Variants in GPAT3 observed in about 807,000 individuals in gnomAD.
GPAT3 encodes 1-AGP acyltransferase 9.
In GPAT3, 53 loss-of-function variants were observed where a neutral mutation model predicts 58.8. The ratio of observed to expected loss-of-function variants is 0.90; its 90% CI spans 0.72 to 1.13. The LOEUF is 1.13. GPAT3 is among the 50% of genes most tolerant of loss of function. The pLI, the probability that GPAT3 is intolerant of heterozygous loss-of-function variation, is 0.00. For synonymous variants in GPAT3, 197 were observed against 187.4 expected (o/e 1.05, Z -0.42); for missense variants, 511 against 527.6 (o/e 0.97, Z 0.31).
intron 2 of GPAT3, among the ~76,000 whole-genome samples, chr4:83,545,871 G>A (rs1227420187): frequency 6.6e-6 from 1 of 152,148 alleles, no homozygotes; most frequent in Non-Finnish European, 1.5e-5. Context: ...ACTCTGAGCT[G>A]TTGATCTTGA....
intron 1 of GPAT3, among the ~76,000 whole-genome samples, chr4:83,543,722 C>A (rs1454947322): frequency 6.6e-6 from 1 of 152,076 alleles, no homozygotes; most frequent in Non-Finnish European, 1.5e-5. Context: ...CTGCTCACTG[C>A]ACCTTCTTCC....
chr4:83,549,467 GTATGTATA>G (rs1382440592), intron 2 of GPAT3, among the ~76,000 whole-genome samples: 1 of 147,896 alleles, frequency 6.8e-6, no homozygotes, highest in African/African-American at 2.5e-5. Flanking sequence ...GTGTGTGTGT[GTATGTATA>G]TATATATGAA....
Position 83,604,764 on chromosome 4 carries a change from C to G in GPAT3, c.1302C>G (p.Ser434Arg). The G allele has an allele frequency of 6.2e-7, 1 of 1,613,204 alleles. No homozygotes were observed. Residue 434 changes from serine (S) to arginine (R), a missense_variant, in exon 12 of 12, where the codon AGC (serine) becomes AGG (arginine). Coordinates refer to ENST00000264409, the MANE Select transcript of GPAT3 (RefSeq NM_032717.5). ...SKMIVGNGSL[S>R] ...TGATTGTGGGCAATGGATCTCTCAGCTAAGAGGACGGATGACAGCCTTTAG... is the reference window on the plus strand; with the variant it reads ...TGATTGTGGGCAATGGATCTCTCAGGTAAGAGGACGGATGACAGCCTTTAG...
At chr4:83,587,518 C>T (rs1726423655) in intron 4 of GPAT3, among the ~76,000 whole-genome samples, 189 bp downstream of exon 4, 1 of 152,180 alleles carries the variant, frequency 6.6e-6, no homozygotes, top group South Asian at 2.1e-4. Context: ...CCTCCGCCTC[C>T]TGGGTTCAAG....
At chr4:83,542,935 T>C (rs1724361076) in intron 1 of GPAT3, among the ~76,000 whole-genome samples, 1 of 151,818 alleles carries the variant, frequency 6.6e-6, no homozygotes, top group Admixed American at 6.6e-5. Context: ...GAGGTGGAGA[T>C]TGCAGTGAGC....
intron 2 of GPAT3, among the ~76,000 whole-genome samples, chr4:83,561,758 A>T (rs1370744433): frequency 6.6e-6 from 1 of 151,898 alleles, no homozygotes; most frequent in African/African-American, 2.4e-5. Flanking sequence ...GGCATTTTGT[A>T]ATTGAGGAAG....
chr4:83,551,608 A>G (rs1160240337), intron 2 of GPAT3, among the ~76,000 whole-genome samples: 2 of 152,000 alleles, frequency 1.3e-5, no homozygotes, highest in African/African-American at 2.4e-5. Flanking sequence ...CCTGGCCAAC[A>G]TGGTGAAACC....
chr4:83,547,281 C>G (rs547952709), intron 2 of GPAT3, among the ~76,000 whole-genome samples: 1 of 107,182 alleles, frequency 9.3e-6, no homozygotes, highest in Non-Finnish European at 1.7e-5. Flanking sequence ...GAGATGGAGT[C>G]TTGCTCTGTC....
chr4:83,586,875 C>T (rs1341633244), intron 3 of GPAT3, among the ~76,000 whole-genome samples: 1 of 152,152 alleles, frequency 6.6e-6, no homozygotes, highest in Non-Finnish European at 1.5e-5. Flanking sequence ...TATGAAAGCA[C>T]CTTTAAATCT....
At chr4:83,541,332 G>T (rs1357423373) in intron 1 of GPAT3, among the ~76,000 whole-genome samples, 2 of 150,208 alleles carry the variant, frequency 1.3e-5, no homozygotes, top group Admixed American at 1.3e-4. Flanking sequence ...CTGAGCTCAA[G>T]CAATCCTCCT....
chr4:83,598,624 T>TG lies in GPAT3; in HGVS notation c.1126-20_1126-19insG, dbSNP rs568328440. The TG allele has an allele frequency of 3.8e-5, 38 of 1,011,908 alleles. No individual in the cohort carries two copies. The African/African-American group carries it at 4.8e-4, about 13-fold the overall frequency. 62.7% of individuals were successfully genotyped at this position (1,011,908 alleles called of 1,614,324 possible). A position where few individuals can be genotyped will look rare whatever the true frequency, so the allele number is the denominator to read the frequency against. ...TCGATAACTAAGATATTCTTGCAAT[T>TG]TTTTTTTTTTTTAAACCAGGAAGGA... On this transcript the variant is annotated intron_variant, in intron 10 of 11. Transcript: ENST00000264409.
intron 2 of GPAT3, among the ~76,000 whole-genome samples, chr4:83,574,956 G>A (rs1490368258): frequency 1.4e-5 from 2 of 144,722 alleles, no homozygotes; most frequent in South Asian, 2.2e-4. Flanking sequence ...GCTCACTGCA[G>A]GCTCCGCCCC....
chr4:83,543,367 G>A (rs1724381645), intron 1 of GPAT3, among the ~76,000 whole-genome samples: 1 of 152,128 alleles, frequency 6.6e-6, no homozygotes, highest in Non-Finnish European at 1.5e-5. Flanking sequence ...TGAGAGACTT[G>A]AAAAGTTCAC....
At chr4:83,585,059 T>A (rs1461369599) in intron 3 of GPAT3, among the ~76,000 whole-genome samples, 2 of 152,296 alleles carry the variant, frequency 1.3e-5, no homozygotes, top group East Asian at 3.9e-4. Context: ...TGATTCTCAT[T>A]GGGGCAAGAT....
At chr4:83,558,584 G>A (rs911450896) in intron 2 of GPAT3, among the ~76,000 whole-genome samples, 8 of 152,172 alleles carry the variant, frequency 5.3e-5, no homozygotes, top group Admixed American at 3.9e-4. Context: ...ATGTGGAGAT[G>A]GATTGGGATT....
intron 1 of GPAT3, among the ~76,000 whole-genome samples, chr4:83,543,508 G>A (rs1724387381): frequency 6.6e-6 from 1 of 152,178 alleles, no homozygotes; most frequent in Non-Finnish European, 1.5e-5. Flanking sequence ...AAAACAAAGT[G>A]AGAGTTGTTT....
At chr4:83,571,606 T>A (rs1725606509) in intron 2 of GPAT3, among the ~76,000 whole-genome samples, 1 of 151,836 alleles carries the variant, frequency 6.6e-6, no homozygotes, top group East Asian at 1.9e-4. Context: ...ATCAGCCATA[T>A]GAAATACTTA....
At chr4:83,578,231 T>C (rs77446903) in intron 2 of GPAT3, among the ~76,000 whole-genome samples, 5,495 of 152,354 alleles carry the variant, frequency 0.036, 147 homozygotes, top group South Asian at 0.058. Flanking sequence ...CAGAGTTCTT[T>C]GACATTTTTA....
intron 2 of GPAT3, among the ~76,000 whole-genome samples, chr4:83,568,622 T>G (rs1275014535): frequency 6.6e-6 from 1 of 152,026 alleles, no homozygotes; most frequent in East Asian, 1.9e-4. Flanking sequence ...ATTCTTCTGC[T>G]TCAGCGTCCG....
Sources: allele counts gnomAD v4.1 joint callset (sites outside exome capture counted in the v4.1 genomes callset), GRCh38; gene constraint gnomAD v4.1.1; transcripts MANE v1.5; gene names NCBI Gene and HGNC (gene_info 2026-07-23, HGNC 2026-07-21).